The following ZNF81 variants were observed in gnomAD, a reference collection of about 807,000 sequenced individuals.
The protein encoded by ZNF81 is zinc finger protein 81 (HFZ20).
ZNF81 carries 5 observed loss-of-function variants against 32.3 expected under a neutral mutation model. The ratio of observed to expected loss-of-function variants is 0.15; its 90% CI spans 0.08 to 0.33. The LOEUF (loss-of-function observed/expected upper bound fraction) is 0.33. Ranked by LOEUF, ZNF81 falls within the 10% of genes least tolerant of loss-of-function variation. The pLI is 1.00. For synonymous variants in ZNF81, 163 were observed against 166.8 expected (o/e 0.98, Z 0.17); for missense variants, 379 against 479.8 (o/e 0.79, Z 1.96).
chrX:47,918,631 C>T lies in ZNF81; in HGVS notation c.*1999C>T, dbSNP rs1472695517. 9.0e-6 allele frequency: 1 copy of T among 111,543 alleles called. No homozygotes were observed. Among genetic ancestry groups the T allele is most frequent in the Non-Finnish European group, 1.9e-5 (1 of 53,165 alleles). The allele number at this position is 111,543 out of a possible 1,213,427, so 9.2% of individuals were successfully genotyped here. ...TGAAAAGTGGCCTCTGGATTCCCCT[C>T]CCTAACTTCTATGAATAGGATACAA... On this transcript the variant is annotated 3_prime_UTR_variant, in exon 5 of 5. Transcript: ENST00000338637.
At chrX:47,909,218 T>C in intron 4 of ZNF81, among the ~76,000 whole-genome samples, 1 of 112,360 alleles carries the variant, frequency 8.9e-6, no homozygotes, top group Non-Finnish European at 1.9e-5. Flanking sequence ...TGTGCCTATT[T>C]TACCACATTT....
In ZNF81 at chrX:47,919,137, T is replaced by C. The variant is rs1175397071; in HGVS notation, c.*2505T>C. ...AAATTTGGAGGTCCTGGAATAGGGGTGAACACATTTTGCATGGGGTGGTAA... is the reference window on the plus strand; with the variant it reads ...AAATTTGGAGGTCCTGGAATAGGGGCGAACACATTTTGCATGGGGTGGTAA... On this transcript the variant is annotated 3_prime_UTR_variant, in exon 5 of 5. Coordinates refer to ENST00000338637, the MANE Select transcript of ZNF81 (RefSeq NM_007137.5). 3.1e-6 allele frequency: 1 copy of C among 327,860 alleles called. No homozygotes were observed. The highest frequency in any genetic ancestry group is 5.9e-6 in the Non-Finnish European group (1 of 169,166). 27.0% of individuals were successfully genotyped at this position (327,860 alleles called of 1,213,427 possible).
intron 2 of ZNF81, among the ~76,000 whole-genome samples, chrX:47,856,848 A>G (rs1179522311): frequency 8.9e-6 from 1 of 111,790 alleles, no homozygotes; most frequent in Non-Finnish European, 1.9e-5. Flanking sequence ...AAGCAGGAGA[A>G]TTGCTTGAAC....
At chrX:47,843,922 T>C (rs1049103212) in intron 1 of ZNF81, among the ~76,000 whole-genome samples, 2 of 112,200 alleles carry the variant, frequency 1.8e-5, no homozygotes, top group Non-Finnish European at 3.8e-5. Context: ...GGTTTTTGTT[T>C]TGCTTAATTT....
At chrX:47,890,664 G>T (rs1244509882) in intron 3 of ZNF81, among the ~76,000 whole-genome samples, 1 of 111,857 alleles carries the variant, frequency 8.9e-6, no homozygotes, top group Non-Finnish European at 1.9e-5. Context: ...GTCTTCTCTT[G>T]TTCTGGTCCC....
rs1556890901 is a variant in ZNF81, at chrX:47,916,464, G to A, written c.1818G>A (p.Gly606=). 9 of 1,208,938 alleles carry A rather than the reference G, an allele frequency of 7.4e-6. No individual in the cohort carries two copies. The highest frequency in any genetic ancestry group is 3.5e-5 in the South Asian group (2 of 56,760). ...HLKVHQRIHT[G]EKPYICAECG... ...AAGTACATCAACGAATTCACACAGGGGAGAAACCATATATATGTGCAGAAT... is the reference window on the plus strand; with the variant it reads ...AAGTACATCAACGAATTCACACAGGAGAGAAACCATATATATGTGCAGAAT... The change falls in exon 5 of 5, where the codon GGG becomes GGA. Residue 606 remains glycine (G), a synonymous_variant. Coordinates refer to ENST00000338637, the MANE Select transcript of ZNF81 (RefSeq NM_007137.5).
chrX:47,900,092 G>T (rs2058693204), intron 4 of ZNF81, among the ~76,000 whole-genome samples: 1 of 111,002 alleles, frequency 9.0e-6, no homozygotes, highest in Non-Finnish European at 1.9e-5. Context: ...GGTTAAAACT[G>T]TCAAAGAGAT....
rs782580699 is a variant in ZNF81, at chrX:47,909,652, C to T, written c.278-5272C>T. Among the ~76,000 whole-genome samples the T allele has an allele frequency of 4.7e-5, 5 of 106,767 alleles. No individual in the cohort carries two copies. The East Asian group carries it at 8.8e-4, about 19-fold the overall frequency. The allele number at this position is 106,767 out of a possible 115,157, so 92.7% of individuals were successfully genotyped here. ...CTTTAAGTTTTAGGGTACATGTGCA[C>T]AATATGCAGGTTAGTTACATATGTA... is the stretch of plus-strand genomic sequence containing the variant. On this transcript the variant is annotated intron_variant, in intron 4 of 4. Transcript: ENST00000338637.
chrX:47,925,556 T>C lies in ZNF81; in HGVS notation c.*8924T>C, dbSNP rs1482230039. 3.6e-5 allele frequency among the ~76,000 whole-genome samples: 4 copies of C among 112,477 alleles called. No individual in the cohort carries two copies. In the South Asian group the frequency reaches 1.5e-3, roughly 41 times the overall value. Reference sequence around the variant, plus strand: ...ATACCAGAATTTGTTTATCCATTCATGTTTTGATGGAAATTTGTATTTCCA... The same window carrying C: ...ATACCAGAATTTGTTTATCCATTCACGTTTTGATGGAAATTTGTATTTCCA... On this transcript the variant is annotated 3_prime_UTR_variant, in exon 5 of 5. Coordinates refer to ENST00000338637, the MANE Select transcript of ZNF81 (RefSeq NM_007137.5).
chrX:47,904,284 A>C (rs782634883), intron 4 of ZNF81, among the ~76,000 whole-genome samples: 48 of 108,863 alleles, frequency 4.4e-4, no homozygotes, highest in Non-Finnish European at 8.4e-4. Context: ...CAACCTACAA[A>C]ATGGGAGAAA....
At chrX:47,856,048 CAAAAAAA>C (rs61300154) in intron 2 of ZNF81, among the ~76,000 whole-genome samples, 9 of 48,670 alleles carry the variant, frequency 1.8e-4, no homozygotes, top group East Asian at 5.8e-4. Context: ...GACTCTGCCT[CAAAAAAA>C]AAAAAAAAAA....
At chrX:47,896,452 A>G (rs1029578913) in intron 4 of ZNF81, among the ~76,000 whole-genome samples, 1 of 109,827 alleles carries the variant, frequency 9.1e-6, no homozygotes, top group African/African-American at 3.3e-5. Context: ...AACCAGCCTC[A>G]CCTCCTGTTG....
rs2058783894 is a variant in ZNF81 at position 47,923,805 on chromosome X, A to G, written c.*7173A>G. 8.9e-6 allele frequency among the ~76,000 whole-genome samples: 1 copy of G among 112,084 alleles called. No individual in the cohort carries two copies. Among genetic ancestry groups the G allele is most frequent in the Admixed American group, 9.4e-5 (1 of 10,615 alleles). ...TTTGGAAGGTCAAAGGGAAGGAGCA[A>G]CTATTGCTGTGAAAGTCTTTGAAAT... On this transcript the variant is annotated 3_prime_UTR_variant, in exon 5 of 5. Coordinates refer to ENST00000338637, the MANE Select transcript of ZNF81 (RefSeq NM_007137.5).
In ZNF81 at chrX:47,915,182, G is replaced by A. The variant is rs28933691; in HGVS notation, c.536G>A (p.Ser179Asn). The change falls in exon 5 of 5, where the codon AGC (serine) becomes AAC (asparagine). Residue 179 changes from serine (S) to asparagine (N), a missense_variant. Physicochemically the swap from Ser to Asn is conservative, Grantham distance 46. Coordinates refer to ENST00000338637, the MANE Select transcript of ZNF81 (RefSeq NM_007137.5). ...GACTTTGGAAAATTTGTTCATCCAA[G>A]CCCAAATCTCATTCTTTCACAGAAA... ...YKDFGKFVHPSPNLILSQKRP... is the reference protein window; with the variant it reads ...YKDFGKFVHPNPNLILSQKRP... 1.6e-4 allele frequency: 191 copies of A among 1,201,666 alleles called. No homozygotes were observed. Among genetic ancestry groups the A allele is most frequent in the Non-Finnish European group, 2.0e-4 (179 of 891,598 alleles).
chrX:47,873,112 A>G (rs1344410824), intron 2 of ZNF81, among the ~76,000 whole-genome samples: 1 of 111,609 alleles, frequency 9.0e-6, no homozygotes, highest in Non-Finnish European at 1.9e-5. Context: ...TTGCACAGCA[A>G]ATCTGCAAGG....
intron 1 of ZNF81, among the ~76,000 whole-genome samples, chrX:47,844,562 C>T (rs1012941969): frequency 8.9e-6 from 1 of 112,281 alleles, no homozygotes; most frequent in Non-Finnish European, 1.9e-5. Context: ...TTTTGTTTAT[C>T]CATTCATCAA....
At chrX:47,851,969 A>G (rs1315044765) in intron 2 of ZNF81, among the ~76,000 whole-genome samples, 3 of 112,221 alleles carry the variant, frequency 2.7e-5, no homozygotes, top group Non-Finnish European at 5.6e-5. Flanking sequence ...CTAACATGCA[A>G]TACTACATTA....
intron 4 of ZNF81, among the ~76,000 whole-genome samples, chrX:47,904,546 TAA>T (rs1556888742): frequency 9.1e-6 from 1 of 109,308 alleles, no homozygotes; most frequent in Non-Finnish European, 1.9e-5. Context: ...TGGCAATCAT[TAA>T]AAAGTCAGGA....
At chrX:47,899,393 A>C (rs782455862) in intron 4 of ZNF81, among the ~76,000 whole-genome samples, 39 of 110,614 alleles carry the variant, frequency 3.5e-4, no homozygotes, top group Non-Finnish European at 7.0e-4. Flanking sequence ...TTCTGTTATT[A>C]TGGTGAATTC....
Sources: allele counts gnomAD v4.1 joint callset (sites outside exome capture counted in the v4.1 genomes callset), GRCh38; gene constraint gnomAD v4.1.1; transcripts MANE v1.5; gene names NCBI Gene and HGNC (gene_info 2026-07-23, HGNC 2026-07-21).